NUP42: variants seen among roughly 807,000 people sequenced by gnomAD.
The protein encoded by NUP42 is nucleoporin 42.
NUP42 carries 47 observed loss-of-function variants against 35.9 expected under a neutral mutation model. That is an observed-to-expected ratio of 1.31 (90% CI 1.04 to 1.67). The LOEUF is 1.67. Among genes scored for constraint, NUP42 ranks in the 40% most tolerant of loss-of-function variants. The pLI, the probability that NUP42 is intolerant of heterozygous loss-of-function variation, is 0.00. For missense variants in NUP42, 514 were observed against 492.2 expected (o/e 1.04, Z -0.42); for synonymous variants, 173 against 173.3 (o/e 1.00, Z 0.01).
At chr7:23,197,369 T>G in intron 5 of NUP42, 1 of 413,748 alleles carries the variant, frequency 2.4e-6, no homozygotes, top group Non-Finnish European at 4.3e-6. Context: ...CTACTCTGTA[T>G]AAGGATATGA....
intron 5 of NUP42, chr7:23,197,123 ATG>A (rs1295590641): frequency 1.2e-6 from 1 of 825,836 alleles, no homozygotes; most frequent in African/African-American, 1.8e-5. Flanking sequence ...TTAGAATGTA[ATG>A]TATCGTTTTG....
intron 6 of NUP42, 80 bp downstream of exon 6, chr7:23,199,622 C>T (rs1786140794): frequency 1.7e-6 from 2 of 1,177,116 alleles, no homozygotes; most frequent in Admixed American, 3.4e-5. Flanking sequence ...GCCTGAATCG[C>T]CATTTTAAAT....
At chr7:23,198,678 T>A (rs1786103009) in intron 5 of NUP42, among the ~76,000 whole-genome samples, 1 of 152,200 alleles carries the variant, frequency 6.6e-6, no homozygotes, top group South Asian at 2.1e-4. Context: ...AGCAAGAACA[T>A]AAAGTACTTT....
chr7:23,197,186 A>G, intron 5 of NUP42: 2 of 1,298,688 alleles, frequency 1.5e-6, no homozygotes, highest in Non-Finnish European at 2.0e-6. Context: ...TGCCTTTGGA[A>G]GATATATACC....
chr7:23,188,653 A>C (rs570690120), intron 3 of NUP42: 3 of 538,674 alleles, frequency 5.6e-6, no homozygotes, highest in Non-Finnish European at 7.1e-6. Context: ...CATTTATACT[A>C]AAAAAAGTAT....
In NUP42 at chr7:23,199,218, C is replaced by G. The variant is rs1371732016; in HGVS notation, c.610-240C>G. Among the ~76,000 whole-genome samples, 7 of 152,188 alleles carry G rather than the reference C, an allele frequency of 4.6e-5. No individual in the cohort carries two copies. The East Asian group carries it at 1.4e-3, about 29-fold the overall frequency. ...TCAGGCTCCCAAATAGCTGGGACCA[C>G]TGGCTAATTTTTTATAGAGATGGGG... On this transcript the variant is annotated intron_variant, in intron 5 of 6. Coordinates refer to ENST00000258742, the MANE Select transcript of NUP42 (RefSeq NM_007342.3).
Position 23,200,342 on chromosome 7 carries a change from T to G in NUP42, c.869T>G (p.Phe290Cys), listed in dbSNP as rs1786171564. 5.0e-6 allele frequency: 8 copies of G among 1,611,210 alleles called. No individual in the cohort carries two copies. Among genetic ancestry groups the G allele is most frequent in the Non-Finnish European group, 6.8e-6 (8 of 1,178,378 alleles). Residue 290 changes from phenylalanine (F) to cysteine (C), a missense_variant, in exon 7 of 7, where the codon TTT (phenylalanine) becomes TGT (cysteine). Physicochemically the swap from Phe to Cys is radical, Grantham distance 205. Coordinates refer to ENST00000258742, the MANE Select transcript of NUP42 (RefSeq NM_007342.3). Reference sequence around the variant, plus strand: ...TCTACTTCTGCTCCAGCTTTTGGATTTGGGAAGCCTGAAGTCACATCGGCT... The same window carrying G: ...TCTACTTCTGCTCCAGCTTTTGGATGTGGGAAGCCTGAAGTCACATCGGCT... ...GISTSAPAFG[F>C]GKPEVTSAAS...
chr7:23,199,060 T>C (rs575142965), intron 5 of NUP42, among the ~76,000 whole-genome samples: 22 of 152,348 alleles, frequency 1.4e-4, no homozygotes, highest in African/African-American at 5.1e-4. Flanking sequence ...TTCAACATCA[T>C]ATTATGGGCA....
intron 1 of NUP42, among the ~76,000 whole-genome samples, chr7:23,183,569 C>T (rs1785488890): frequency 1.3e-5 from 2 of 152,010 alleles, no homozygotes; most frequent in African/African-American, 2.4e-5. Context: ...ACGTCTGATC[C>T]CACTTCAGGG....
At position 23,196,704 on chromosome 7, in the gene NUP42, A is replaced by T; in HGVS notation, c.547A>T (p.Asn183Tyr). Residue 183 changes from asparagine to tyrosine, a missense_variant, in exon 5 of 7, where the codon AAT (asparagine) becomes TAT (tyrosine). Asn to Tyr is a moderately radical substitution (Grantham distance 143). Coordinates refer to ENST00000258742, the MANE Select transcript of NUP42 (RefSeq NM_007342.3). ...GCTAAATTCTGTCCAACGTTTAATA[A>T]ATCAATGGAGGAACAGGGTAAATGA... ...SYLNSVQRLINQWRNRVNELK... is the reference protein window; with the variant it reads ...SYLNSVQRLIYQWRNRVNELK... 6.2e-7 allele frequency: 1 copy of T among 1,612,402 alleles called. No homozygotes were observed. Among genetic ancestry groups the T allele is most frequent in the Non-Finnish European group, 8.5e-7 (1 of 1,178,628 alleles).
intron 3 of NUP42, among the ~76,000 whole-genome samples, chr7:23,194,083 G>T (rs1426246196): frequency 1.3e-5 from 2 of 152,198 alleles, no homozygotes; most frequent in Admixed American, 1.3e-4. Context: ...GCCCTGGGTA[G>T]CTCTGGTTGC....
chr7:23,188,519 G>A, intron 3 of NUP42: 1 of 985,414 alleles, frequency 1.0e-6, no homozygotes, highest in Non-Finnish European at 1.2e-6. Context: ...CCCTAAAGCA[G>A]TGGTTCTTAA....
chr7:23,186,333 T>A (rs1448521796), intron 2 of NUP42, among the ~76,000 whole-genome samples: 1 of 152,202 alleles, frequency 6.6e-6, no homozygotes, highest in Non-Finnish European at 1.5e-5. Flanking sequence ...TTTTTTTAAG[T>A]AAATGAGCAA....
In NUP42 at chr7:23,200,677, C is replaced by T. The variant is rs1485341285; in HGVS notation, c.1204C>T (p.Gln402Ter). The stretch of plus-strand genomic sequence containing the variant: ...AACAGTAGAAGAACTGGAACAATTT[C>T]AATCCAAGAAATTTACTCTGGGAAA... ...KLTVEELEQFQSKKFTLGKIP... is the reference protein window; with the variant it reads ...KLTVEELEQF The change falls in exon 7 of 7, where the codon CAA (glutamine) becomes TAA (stop). Residue 402 changes from glutamine to a stop codon, truncating the protein, a stop_gained. Coordinates refer to ENST00000258742, the MANE Select transcript of NUP42 (RefSeq NM_007342.3). LOFTEE classifies it high-confidence loss of function. 6.2e-7 allele frequency: 1 copy of T among 1,611,436 alleles called. No individual in the cohort carries two copies. Among genetic ancestry groups the T allele is most frequent in the African/African-American group, 1.3e-5 (1 of 74,856 alleles).
At chr7:23,195,797 T>C (rs762133005) in intron 3 of NUP42, 42 bp from the exon 4 acceptor site, 5 of 1,264,878 alleles carry the variant, frequency 4.0e-6, no homozygotes, top group Non-Finnish European at 5.7e-6. Flanking sequence ...ATCAAAATTA[T>C]TGGCATTTAT....
intron 3 of NUP42, among the ~76,000 whole-genome samples, chr7:23,189,139 A>G (rs55775122): frequency 0.088 from 13,363 of 152,302 alleles, 805 homozygotes; most frequent in Non-Finnish European, 0.14. Flanking sequence ...TTCAAAGACA[A>G]TATTTATTTG....
chr7:23,200,312 G>T lies in NUP42; in HGVS notation c.839G>T (p.Gly280Val). Residue 280 changes from glycine to valine, a missense_variant, in exon 7 of 7, where the codon GGT (glycine) becomes GTT (valine). Physicochemically the swap from Gly to Val is moderately radical, Grantham distance 109 (BLOSUM62 -3). Coordinates refer to ENST00000258742, the MANE Select transcript of NUP42 (RefSeq NM_007342.3). ...GGAGCTGCAGCCTCTACCAGTTCAG[G>T]TATCTCTACTTCTGCTCCAGCTTTT... The part of the protein sequence containing the change: ...AFGAAASTSS[G>V]ISTSAPAFGF... 1 of 1,604,390 alleles carries T rather than the reference G, an allele frequency of 6.2e-7. No individual in the cohort carries two copies.
At chr7:23,198,205 C>CTTT (rs1172738995) in intron 5 of NUP42, 1,096 of 73,610 alleles carry the variant, frequency 0.015, 55 homozygotes, top group African/African-American at 0.031. Context: ...CAAAAGCATT[C>CTTT]TTTTTTTTTT....
intron 3 of NUP42, among the ~76,000 whole-genome samples, chr7:23,193,063 G>A (rs759277196): frequency 4.8e-4 from 72 of 151,384 alleles, no homozygotes; most frequent in East Asian, 2.1e-3. Context: ...TGAGTGTTAC[G>A]GCTCTTAAGG....
Sources: allele counts gnomAD v4.1 joint callset (sites outside exome capture counted in the v4.1 genomes callset), GRCh38; gene constraint gnomAD v4.1.1; transcripts MANE v1.5; gene names NCBI Gene and HGNC (gene_info 2026-07-23, HGNC 2026-07-21).